The following SYVN1 variants were observed in gnomAD, a reference collection of about 807,000 sequenced individuals.
SYVN1 encodes the protein E3 ubiquitin-protein ligase synoviolin.
SYVN1 carries 17 observed loss-of-function variants against 62.6 expected under a neutral mutation model. The ratio of observed to expected loss-of-function variants is 0.27; its 90% CI spans 0.19 to 0.41. SYVN1 has a LOEUF of 0.41. Among genes scored for constraint, SYVN1 ranks in the 10% least tolerant of loss-of-function variants. The pLI, the probability that SYVN1 is intolerant of heterozygous loss-of-function variation, is 1.00. For missense variants in SYVN1, 634 were observed against 818.0 expected, an observed-to-expected ratio of 0.78 and a Z score of 2.74; for synonymous variants, 316 against 304.0, an observed-to-expected ratio of 1.04 and a Z score of -0.41.
At chr11:65,129,415 A>G in intron 14 of SYVN1, 1 of 268,478 alleles carries the variant, frequency 3.7e-6, no homozygotes, top group Non-Finnish European at 7.1e-6. Context: ...GTGTCACCAC[A>G]TCTCAGAAGA....
intron 1 of SYVN1, 58 bp from the exon 2 acceptor site, chr11:65,133,676 G>A: frequency 7.4e-7 from 1 of 1,347,232 alleles, no homozygotes. Context: ...ATAGCCCGGT[G>A]CCTGGCACAG....
rs1426904760 is a variant in SYVN1, at chr11:65,133,186, C to A, written c.199G>T (p.Gly67Trp). The stretch of plus-strand genomic sequence containing the variant: ...TCCATCTCTGCTGCCCTCAGTTGCC[C>A]AAAGAACACCTTGCCCATCACCTTG... ...LGKVMGKVFF[G>W]QLRAAEMEHL... Residue 67 changes from glycine to tryptophan, a missense_variant, in exon 3 of 16, where the codon GGG becomes TGG. By Grantham distance (184) the Gly-to-Trp change is radical. Around this residue, in one of 2 missense-constraint regions of SYVN1, gnomAD observed 283 missense variants for 444.7 expected, o/e 0.64. Transcript: ENST00000377190. 6.2e-7 allele frequency: 1 copy of A among 1,614,154 alleles called. No individual in the cohort carries two copies. The highest frequency in any genetic ancestry group is 8.5e-7 in the Non-Finnish European group (1 of 1,180,024).
At chr11:65,130,611 G>T in intron 11 of SYVN1, 49 bp downstream of exon 11, 1 of 1,492,378 alleles carries the variant, frequency 6.7e-7, no homozygotes. Context: ...ATCCAGCCCA[G>T]GGCAAGTATC....
intron 14 of SYVN1, 33 bp from the exon 15 acceptor site, chr11:65,128,747 C>A: frequency 1.3e-6 from 2 of 1,559,034 alleles, no homozygotes; most frequent in Non-Finnish European, 8.7e-7. Flanking sequence ...GCGGGCCTGG[C>A]CTTGGCATCC....
intron 5 of SYVN1, 136 bp downstream of exon 5, chr11:65,132,596 A>G (rs1948195345): frequency 8.9e-7 from 1 of 1,121,596 alleles, no homozygotes; most frequent in African/African-American, 1.5e-5. Flanking sequence ...CCTAGAGTGG[A>G]ACAGCACAGA....
At chr11:65,130,875 T>C (rs369253074) in intron 10 of SYVN1, 45 bp downstream of exon 10, 1 of 1,611,392 alleles carries the variant, frequency 6.2e-7, no homozygotes, top group African/African-American at 1.3e-5. Flanking sequence ...GCCTGCCTTC[T>C]GGGGCCTGTG....
In SYVN1 at chr11:65,127,923, CA is replaced by C. The variant is rs1336051688; in HGVS notation, c.*458del. 2 of 174,034 alleles carry C rather than the reference CA, an allele frequency of 1.1e-5. No individual in the cohort carries two copies. Among genetic ancestry groups the C allele is most frequent in the Non-Finnish European group, 2.4e-5 (2 of 81,962 alleles). The allele number at this position is 174,034 out of a possible 1,614,324, so 10.8% of individuals were successfully genotyped here. ...CAGGGTAAGAAAAGGAAATGGGTACCAGTCTTAGGGGTGGGCCAGCGAGCAA... is the reference window on the plus strand; with the variant it reads ...CAGGGTAAGAAAAGGAAATGGGTACCGTCTTAGGGGTGGGCCAGCGAGCAA... On this transcript the variant is annotated 3_prime_UTR_variant, in exon 16 of 16. Coordinates refer to ENST00000377190, the MANE Select transcript of SYVN1 (RefSeq NM_172230.3).
Position 65,130,667 on chromosome 11 carries a change from G to A in SYVN1, c.1098C>T (p.Pro366=). The change falls in exon 11 of 16, where the codon CCC becomes CCT. Residue 366 remains proline, a synonymous_variant. Coordinates refer to ENST00000377190, the MANE Select transcript of SYVN1 (RefSeq NM_172230.3). ...APHPPPLLPQ[P]PNFPQGLLPP... is the part of the protein sequence containing the mutation. ...AGACAAGGGGATACTCACAGTTGGG[G>A]GGCTGAGGCAAGAGTGGTGGGGGGT... 1.3e-6 allele frequency: 2 copies of A among 1,484,912 alleles called. No individual in the cohort carries two copies. Among genetic ancestry groups the A allele is most frequent in the East Asian group, 2.3e-5 (1 of 42,960 alleles). 92.0% of individuals were successfully genotyped at this position (1,484,912 alleles called of 1,614,324 possible). A position where few individuals can be genotyped will look rare whatever the true frequency, so the allele number is the denominator to read the frequency against.
At chr11:65,133,673 G>A (rs1430388512) in intron 1 of SYVN1, 55 bp from the exon 2 acceptor site, 2 of 1,441,098 alleles carry the variant, frequency 1.4e-6, no homozygotes, top group Non-Finnish European at 1.9e-6. Flanking sequence ...AAAATAGCCC[G>A]GTGCCTGGCA....
At chr11:65,129,642 C>CA in intron 14 of SYVN1, 87 bp downstream of exon 14, 2 of 1,385,176 alleles carry the variant, frequency 1.4e-6, no homozygotes, top group Non-Finnish European at 1.0e-6. Flanking sequence ...TGGCAGGTGT[C>CA]AAAGGCCAAG....
intron 11 of SYVN1, 61 bp downstream of exon 11, chr11:65,130,598 CA>C: frequency 6.7e-7 from 1 of 1,483,092 alleles, no homozygotes; most frequent in African/African-American, 1.4e-5. Context: ...CAGCATCTTC[CA>C]CATCCAGCCC....
At chr11:65,129,706 C>G in intron 14 of SYVN1, 23 bp downstream of exon 14, 1 of 1,607,430 alleles carries the variant, frequency 6.2e-7, no homozygotes, top group Non-Finnish European at 8.5e-7. Flanking sequence ...CAAACCCACT[C>G]TGCTTCCCCT....
In SYVN1 at chr11:65,129,710, T is replaced by C; in HGVS notation, c.1595+19A>G. The C allele has an allele frequency of 6.2e-7, 1 of 1,609,378 alleles. No homozygotes were observed. Among genetic ancestry groups the C allele is most frequent in the Non-Finnish European group, 8.5e-7 (1 of 1,176,072 alleles). On this transcript the variant is annotated intron_variant, in intron 14 of 15. Transcript: ENST00000377190. ...TCCTGACCCACCAAACCCACTCTGC[T>C]TCCCCTGTACAGACACACCCCAAGG...
rs373881281 is a variant in SYVN1, at chr11:65,128,593, G to A, written c.1717C>T (p.Pro573Ser). ...GGCCTTTCCATTTCAGGGGCTGGTGGGGAGGCTCCTGGGGTTGGGGTCGTG... is the reference window on the plus strand; with the variant it reads ...GGCCTTTCCATTTCAGGGGCTGGTGAGGAGGCTCCTGGGGTTGGGGTCGTG... ...EATTPTPGAS[P>S]PAPEMERPPA... The change falls in exon 15 of 16, where the codon CCA becomes TCA. Residue 573 changes from proline to serine, a missense_variant. Physicochemically the swap from Pro to Ser is moderately conservative, Grantham distance 74. Around this residue, in one of 2 missense-constraint regions of SYVN1, gnomAD observed 351 missense variants for 373.3 expected, o/e 0.94. Coordinates refer to ENST00000377190, the MANE Select transcript of SYVN1 (RefSeq NM_172230.3). 28 of 1,614,134 alleles carry A rather than the reference G, an allele frequency of 1.7e-5. 1 individual carries two copies. In the East Asian group the frequency reaches 3.1e-4, roughly 18 times the overall value.
chr11:65,129,429 T>C, intron 14 of SYVN1: 1 of 309,506 alleles, frequency 3.2e-6, no homozygotes, highest in East Asian at 5.5e-5. Context: ...CAGAAGAATA[T>C]CATGTGATGA....
At chr11:65,133,348 A>AAT in intron 2 of SYVN1, 96 bp from the exon 3 acceptor site, 1 of 1,577,660 alleles carries the variant, frequency 6.3e-7, no homozygotes, top group Non-Finnish European at 8.7e-7. Context: ...ATCACAGTTT[A>AAT]TTCAAAGTTA....
intron 1 of SYVN1, among the ~76,000 whole-genome samples, chr11:65,134,088 G>C (rs2137256365): frequency 6.6e-6 from 1 of 152,352 alleles, no homozygotes; most frequent in South Asian, 2.1e-4. Context: ...GTTAGGGTGG[G>C]CAGTTCGGAC....
rs369777193 is a variant in SYVN1 at position 65,131,543 on chromosome 11, G to A, written c.585C>T (p.His195=). The change falls in exon 7 of 16, where the codon CAC becomes CAT. Residue 195 remains histidine (H), a synonymous_variant. Coordinates refer to ENST00000377190, the MANE Select transcript of SYVN1 (RefSeq NM_172230.3). The part of the protein sequence containing the change: ...VLTIFIKYVL[H]SVDLQSENPW... ...GGTTCTCACTCTGGAGGTCCACGGA[G>A]TGCAGCACATACTTGATGAAGATGG... The A allele has an allele frequency of 3.7e-6, 6 of 1,613,948 alleles. No individual in the cohort carries two copies. Among genetic ancestry groups the A allele is most frequent in the Non-Finnish European group, 5.1e-6 (6 of 1,179,996 alleles).
At chr11:65,133,406 C>T in intron 2 of SYVN1, 64 bp downstream of exon 2, 1 of 1,599,986 alleles carries the variant, frequency 6.3e-7, no homozygotes, top group Non-Finnish European at 8.5e-7. Context: ...AGCCCCGCCC[C>T]TTGCCCAGGC....
Sources: allele counts gnomAD v4.1 joint callset (sites outside exome capture counted in the v4.1 genomes callset), GRCh38; gene constraint gnomAD v4.1.1; regional missense constraint gnomAD v4.1.1; transcripts MANE v1.5; gene names NCBI Gene and HGNC (gene_info 2026-07-23, HGNC 2026-07-21).